The following RBFOX1 variants were observed in gnomAD, a reference collection of about 807,000 sequenced individuals.
RBFOX1 encodes the protein RNA binding fox-1 homolog 1.
In RBFOX1, 8 loss-of-function variants were observed where a neutral mutation model predicts 57.7. The observed-to-expected ratio is 0.14, with a 90% CI of 0.08 to 0.25. RBFOX1 has a LOEUF of 0.25. Ranked by LOEUF, RBFOX1 falls within the 10% of genes least tolerant of loss-of-function variation. The pLI, the probability that RBFOX1 is intolerant of heterozygous loss-of-function variation, is 1.00. For missense variants in RBFOX1, 611 were observed against 548.5 expected (o/e 1.11, Z -1.14); for synonymous variants, 326 against 222.4 (o/e 1.47, Z -4.15).
At chr16:5,398,211 GTGGACATGAGTGTACATGTGTGGACA>G (rs1156809080) in intron 1 of RBFOX1, among the ~76,000 whole-genome samples, 1 of 152,150 alleles carries the variant, frequency 6.6e-6, no homozygotes, top group Non-Finnish European at 1.5e-5. Context: ...GTGTACATGT[GTGGACATGAGTGTACATGTGTGGACA>G]TGGACATGTC....
chr16:6,417,984 A>AGAATGAAT (rs60404637), intron 2 of RBFOX1, among the ~76,000 whole-genome samples: 4 of 151,178 alleles, frequency 2.6e-5, no homozygotes, highest in South Asian at 2.1e-4. Flanking sequence ...ATTTTCTGAA[A>AGAATGAAT]GAATGAATGA....
chr16:5,472,483 A>G (rs1370191549), intron 2 of RBFOX1, among the ~76,000 whole-genome samples: 4 of 152,188 alleles, frequency 2.6e-5, no homozygotes, highest in Admixed American at 2.6e-4. Flanking sequence ...GGCAAGGATT[A>G]AAATCTTGGT....
chr16:7,232,781 C>T (rs1023055516), intron 4 of RBFOX1, among the ~76,000 whole-genome samples: 66 of 147,388 alleles, frequency 4.5e-4, no homozygotes, highest in African/African-American at 1.2e-3. Context: ...GGGGAGGTTG[C>T]CGTGAGCTGA....
chr16:6,934,244 A>T (rs1315826553), intron 3 of RBFOX1, among the ~76,000 whole-genome samples: 1 of 152,202 alleles, frequency 6.6e-6, no homozygotes, highest in African/African-American at 2.4e-5. Flanking sequence ...AACTTGAGTC[A>T]CTGTGAAAGC....
chr16:6,253,125 C>T (rs1372190335), intron 1 of RBFOX1, among the ~76,000 whole-genome samples: 1 of 152,168 alleles, frequency 6.6e-6, no homozygotes, highest in Non-Finnish European at 1.5e-5. Flanking sequence ...CATACACACA[C>T]TTACATCTCT....
chr16:7,598,721 C>G (rs1409904388), intron 9 of RBFOX1, among the ~76,000 whole-genome samples: 1 of 151,984 alleles, frequency 6.6e-6, no homozygotes, highest in South Asian at 2.1e-4. Flanking sequence ...TAAGGATACA[C>G]CTGGCATTTT....
intron 4 of RBFOX1, among the ~76,000 whole-genome samples, chr16:5,965,489 A>G (rs1348243866): frequency 6.6e-6 from 1 of 152,148 alleles, no homozygotes; most frequent in Non-Finnish European, 1.5e-5. Flanking sequence ...TGTAAGTGGC[A>G]TGCTTCAACT....
intron 4 of RBFOX1, among the ~76,000 whole-genome samples, chr16:7,338,115 G>C (rs2096827228): frequency 6.6e-6 from 1 of 152,186 alleles, no homozygotes. Context: ...ATAGGTAAAG[G>C]AGTGCCATGG....
intron 2 of RBFOX1, among the ~76,000 whole-genome samples, chr16:6,431,896 G>GTTTTCTTTCTTTCTTT (rs1555469937): frequency 2.7e-4 from 34 of 128,196 alleles, no homozygotes; most frequent in African/African-American, 1.1e-3. Flanking sequence ...TTGCTTGCTT[G>GTTTTCTTTCTTTCTTT]CTTTCTTTCT....
chr16:6,715,069 C>T (rs551232500), intron 3 of RBFOX1, among the ~76,000 whole-genome samples: 2 of 152,194 alleles, frequency 1.3e-5, no homozygotes, highest in South Asian at 4.1e-4. Context: ...TTTGTTCCTT[C>T]TCCTAAAGTC....
intron 4 of RBFOX1, among the ~76,000 whole-genome samples, chr16:7,157,065 A>G (rs1228984079): frequency 6.6e-6 from 1 of 152,160 alleles, no homozygotes; most frequent in Non-Finnish European, 1.5e-5. Flanking sequence ...CCCCTATTAT[A>G]CTTGATTATG....
intron 4 of RBFOX1, among the ~76,000 whole-genome samples, chr16:7,278,256 T>C (rs753599437): frequency 2.0e-4 from 30 of 152,218 alleles, no homozygotes; most frequent in Non-Finnish European, 3.1e-4. Context: ...AACCCCTTGA[T>C]TGAATTGCAA....
rs192853227 is a variant in RBFOX1 at position 7,466,582 on chromosome 16, T to C, written c.28-51565T>C. ...CCCAGGAAGACAGGGCTCGGAATAT[T>C]CAGGAAATGTCATTGATCTGGATCC... is the stretch of plus-strand genomic sequence containing the variant. On this transcript the variant is annotated intron_variant, in intron 4 of 15. Transcript: ENST00000550418. 1.5e-3 allele frequency among the ~76,000 whole-genome samples: 222 copies of C among 152,268 alleles called. 5 individuals are homozygous for C. Among genetic ancestry groups the C allele is most frequent in the Admixed American group, 0.014 (207 of 15,290 alleles).
chr16:7,422,331 G>T (rs982671214), intron 4 of RBFOX1, among the ~76,000 whole-genome samples: 1 of 152,142 alleles, frequency 6.6e-6, no homozygotes, highest in East Asian at 1.9e-4. Context: ...CAAGTGAGCT[G>T]TGAAATATAT....
At chr16:7,225,855 T>C (rs1447099523) in intron 4 of RBFOX1, among the ~76,000 whole-genome samples, 2 of 147,222 alleles carry the variant, frequency 1.4e-5, no homozygotes, top group Non-Finnish European at 3.0e-5. Flanking sequence ...TATACATATG[T>C]AACAAACCTG....
chr16:7,026,275 G>C (rs1466656984), intron 3 of RBFOX1, among the ~76,000 whole-genome samples: 1 of 152,152 alleles, frequency 6.6e-6, no homozygotes, highest in Non-Finnish European at 1.5e-5. Flanking sequence ...TCCTGACTTG[G>C]AGGCGTGGAG....
chr16:7,202,632 C>T (rs1167894948), intron 4 of RBFOX1, among the ~76,000 whole-genome samples: 2 of 152,144 alleles, frequency 1.3e-5, no homozygotes, highest in African/African-American at 4.8e-5. Context: ...TGCATCAGCA[C>T]CTGAGCTCGA....
At chr16:6,927,635 G>A (rs2075837005) in intron 3 of RBFOX1, among the ~76,000 whole-genome samples, 1 of 152,018 alleles carries the variant, frequency 6.6e-6, no homozygotes, top group Non-Finnish European at 1.5e-5. Context: ...ATAGACATCT[G>A]CTGCATGTTG....
At chr16:7,264,348 A>T (rs1295553930) in intron 4 of RBFOX1, among the ~76,000 whole-genome samples, 5 of 152,252 alleles carry the variant, frequency 3.3e-5, no homozygotes, top group Admixed American at 2.0e-4. Context: ...GAGGGCCTCC[A>T]AGATCTTATG....
Sources: allele counts gnomAD v4.1 joint callset (sites outside exome capture counted in the v4.1 genomes callset), GRCh38; gene constraint gnomAD v4.1.1; transcripts MANE v1.5; gene names NCBI Gene and HGNC (gene_info 2026-07-23, HGNC 2026-07-21).